Variants in NYAP2 observed in about 807,000 individuals in gnomAD.
NYAP2 encodes neuronal tyrosine-phosphorylated phosphoinositide-3-kinase adaptor 2, also known as neuronal tyrosine-phosphorylated phosphoinositide-3-kinase adapter 2.
NYAP2 carries 23 observed loss-of-function variants against 50.4 expected under a neutral mutation model. The observed-to-expected ratio is 0.46, with a 90% confidence interval of 0.33 to 0.65. NYAP2 has a LOEUF of 0.65. Ranked by LOEUF, NYAP2 falls within the 30% of genes least tolerant of loss-of-function variation. NYAP2 has a pLI of 0.02. For synonymous variants in NYAP2, 394 were observed against 365.2 expected, an observed-to-expected ratio of 1.08 and a Z score of -0.90; for missense variants, 885 against 861.0, an observed-to-expected ratio of 1.03 and a Z score of -0.35.
At chr2:225,434,580 C>A (rs568428317) in intron 3 of NYAP2, among the ~76,000 whole-genome samples, 3 of 152,166 alleles carry the variant, frequency 2.0e-5, no homozygotes, top group Non-Finnish European at 4.4e-5. Flanking sequence ...GGCACTGGAA[C>A]GTATAGCATG....
chr2:225,600,454 C>T (rs997690922), intron 5 of NYAP2, among the ~76,000 whole-genome samples: 1 of 152,016 alleles, frequency 6.6e-6, no homozygotes, highest in Non-Finnish European at 1.5e-5. Flanking sequence ...AGTCTAATCC[C>T]CAGGCAAAAA....
chr2:225,632,650 A>G (rs1003857761), intron 6 of NYAP2, among the ~76,000 whole-genome samples: 1 of 152,242 alleles, frequency 6.6e-6, no homozygotes, highest in Non-Finnish European at 1.5e-5. Flanking sequence ...TCTTGAAGGC[A>G]GTGGAGAACT....
At chr2:225,462,036 T>C (rs1296291265) in intron 3 of NYAP2, among the ~76,000 whole-genome samples, 1 of 152,202 alleles carries the variant, frequency 6.6e-6, no homozygotes, top group Non-Finnish European at 1.5e-5. Flanking sequence ...TAGAAAGTGA[T>C]TTCCCCCTGC....
At chr2:225,694,363 G>A in the NYAP2 span, among the ~76,000 whole-genome samples, 6 of 151,536 alleles carry the variant, frequency 4.0e-5, no homozygotes, top group African/African-American at 1.5e-4. Flanking sequence ...ATAGAAAAGC[G>A]ATGCAATTTT....
chr2:225,701,446 C>T, the NYAP2 span: 2 of 151,816 alleles, frequency 1.3e-5, no homozygotes, highest in Middle Eastern at 3.4e-3. Context: ...TTGGATGTCA[C>T]AAGATGCTTT....
rs146249414 is a variant in NYAP2, at chr2:225,465,438, C to T, written c.222-47933C>T. On this transcript the variant is annotated intron_variant, in intron 3 of 6. Transcript: ENST00000636099. ...ACATTCTAAAACCATTCTCTGGGGC[C>T]GGGCGCATTGGCTCATGCCTGTAAT... is the stretch of plus-strand genomic sequence containing the variant. 2.4e-3 allele frequency among the ~76,000 whole-genome samples: 363 copies of T among 152,146 alleles called. 3 individuals carry two copies. Among genetic ancestry groups the T allele is most frequent in the African/African-American group, 8.2e-3 (341 of 41,488 alleles).
chr2:225,682,750 A>G, the NYAP2 span, among the ~76,000 whole-genome samples: 17 of 152,194 alleles, frequency 1.1e-4, no homozygotes, highest in Non-Finnish European at 2.2e-4. Context: ...AGTCTTGAAT[A>G]AGAAAAAAAT....
intron 3 of NYAP2, among the ~76,000 whole-genome samples, chr2:225,458,695 C>T (rs913683586): frequency 9.8e-5 from 15 of 152,322 alleles, no homozygotes; most frequent in African/African-American, 3.1e-4. Flanking sequence ...TAAGAGTGCT[C>T]AGTTAAGTGC....
chr2:225,591,393 A>G (rs920425945), intron 5 of NYAP2, among the ~76,000 whole-genome samples: 2 of 152,166 alleles, frequency 1.3e-5, no homozygotes, highest in African/African-American at 4.8e-5. Context: ...CTTGGGCTCA[A>G]ACAGGTTTGT....
chr2:225,669,568 G>A, the NYAP2 span, among the ~76,000 whole-genome samples: 2 of 151,968 alleles, frequency 1.3e-5, no homozygotes, highest in Non-Finnish European at 2.9e-5. Context: ...AAAAAAGGAA[G>A]AAAGAAACAC....
intron 4 of NYAP2, among the ~76,000 whole-genome samples, chr2:225,539,436 G>T (rs1048922212): frequency 6.6e-6 from 1 of 152,158 alleles, no homozygotes; most frequent in Non-Finnish European, 1.5e-5. Flanking sequence ...CTTCCACAAT[G>T]GTTGAACTAA....
intron 3 of NYAP2, among the ~76,000 whole-genome samples, chr2:225,490,321 A>G (rs1690382652): frequency 6.6e-6 from 1 of 152,186 alleles, no homozygotes. Flanking sequence ...TACTTACAAC[A>G]TAAAGACTCT....
At chr2:225,473,923 T>C (rs1574632712) in intron 3 of NYAP2, among the ~76,000 whole-genome samples, 1 of 152,232 alleles carries the variant, frequency 6.6e-6, no homozygotes, top group Non-Finnish European at 1.5e-5. Context: ...GGTTTTCTTC[T>C]AGGGTTTTTA....
At chr2:225,533,898 A>G (rs1691302213) in intron 4 of NYAP2, among the ~76,000 whole-genome samples, 1 of 152,186 alleles carries the variant, frequency 6.6e-6, no homozygotes, top group Non-Finnish European at 1.5e-5. Context: ...ATTTGCTATC[A>G]GATAAAGGAA....
chr2:225,655,731 T>G (rs1693809701), downstream of NYAP2, among the ~76,000 whole-genome samples: 1 of 152,172 alleles, frequency 6.6e-6, no homozygotes, highest in Non-Finnish European at 1.5e-5. Flanking sequence ...TAGCAGCTGA[T>G]GCACAGGCCA....
intron 3 of NYAP2, among the ~76,000 whole-genome samples, chr2:225,410,174 CA>C (rs1369004785): frequency 6.6e-6 from 1 of 151,738 alleles, no homozygotes; most frequent in Admixed American, 6.6e-5. Flanking sequence ...GATTTGAAAG[CA>C]AAAAACTAGA....
At chr2:225,579,444 T>A (rs1033842003) in intron 4 of NYAP2, among the ~76,000 whole-genome samples, 37 of 152,254 alleles carry the variant, frequency 2.4e-4, no homozygotes, top group African/African-American at 8.7e-4. Context: ...GTTGTTCTAC[T>A]TAATTCTAAG....
chr2:225,576,827 G>A (rs1392894222), intron 4 of NYAP2, among the ~76,000 whole-genome samples: 1 of 152,164 alleles, frequency 6.6e-6, no homozygotes, highest in Non-Finnish European at 1.5e-5. Flanking sequence ...ATTGTGGTTA[G>A]TAAGGAATTC....
chr2:225,417,339 A>G (rs536820635), intron 3 of NYAP2, among the ~76,000 whole-genome samples: 1 of 152,282 alleles, frequency 6.6e-6, no homozygotes, highest in African/African-American at 2.4e-5. Flanking sequence ...TTACCTTAAA[A>G]TTAATTTTAA....
Sources: gnomAD v4.1 joint callset for allele counts (sites outside exome capture counted in the v4.1 genomes callset) on GRCh38, gnomAD v4.1.1 for gene constraint, MANE v1.5 for transcripts, NCBI Gene and HGNC (gene_info 2026-07-23, HGNC 2026-07-21) for gene names.